ITFG1: variants seen among roughly 807,000 people sequenced by gnomAD.
The protein encoded by ITFG1 is integrin alpha FG-GAP repeat containing 1, also known as T-cell immunomodulatory protein.
A neutral mutation model predicts 81.8 loss-of-function variants in ITFG1; 34 were observed. The observed-to-expected ratio is 0.42, with a 90% CI of 0.32 to 0.55. ITFG1 has a LOEUF of 0.55. Among genes scored for constraint, ITFG1 ranks in the 20% least tolerant of loss-of-function variants. The pLI, the probability that ITFG1 is intolerant of heterozygous loss-of-function variation, is 0.17. For synonymous variants in ITFG1, 285 were observed against 270.6 expected, an observed-to-expected ratio of 1.05 and a Z score of -0.52; for missense variants, 672 against 755.4, an observed-to-expected ratio of 0.89 and a Z score of 1.29.
intron 10 of ITFG1, among the ~76,000 whole-genome samples, chr16:47,295,007 T>C (rs1033564868): frequency 1.3e-5 from 2 of 152,138 alleles, no homozygotes; most frequent in Middle Eastern, 3.2e-3. Flanking sequence ...TTGTTGTATA[T>C]GGATTTTATT....
intron 8 of ITFG1, among the ~76,000 whole-genome samples, chr16:47,362,303 AG>A (rs1201205955): frequency 6.6e-6 from 1 of 152,148 alleles, no homozygotes; most frequent in Non-Finnish European, 1.5e-5. Context: ...TCAAAATCTC[AG>A]GCACCTCAGA....
At chr16:47,409,106 A>G (rs1228637834) in intron 6 of ITFG1, among the ~76,000 whole-genome samples, 2 of 151,666 alleles carry the variant, frequency 1.3e-5, no homozygotes, top group African/African-American at 4.8e-5. Flanking sequence ...ATCCTTTCAA[A>G]GGGCTTGTGG....
At chr16:47,205,749 C>A (rs1018009962) in intron 14 of ITFG1, among the ~76,000 whole-genome samples, 1 of 152,110 alleles carries the variant, frequency 6.6e-6, no homozygotes, top group African/African-American at 2.4e-5. Flanking sequence ...CCACTCCGAT[C>A]GTATCATCAA....
chr16:47,268,865 A>G (rs1966306818), intron 10 of ITFG1, among the ~76,000 whole-genome samples: 1 of 152,278 alleles, frequency 6.6e-6, no homozygotes. Context: ...TTCAAAAATA[A>G]ATCAGTGTAA....
intron 14 of ITFG1, among the ~76,000 whole-genome samples, chr16:47,206,989 C>T (rs888353660): frequency 6.6e-6 from 1 of 152,248 alleles, no homozygotes; most frequent in Non-Finnish European, 1.5e-5. Flanking sequence ...TATTCGTTCA[C>T]TCAATTATTC....
At chr16:47,405,376 T>G (rs1968715520) in intron 6 of ITFG1, among the ~76,000 whole-genome samples, 1 of 152,192 alleles carries the variant, frequency 6.6e-6, no homozygotes, top group African/African-American at 2.4e-5. Flanking sequence ...AGTTTAAAAA[T>G]AGGTTTTAGG....
At chr16:47,159,956 AAAGAGT>A (rs936903804) in intron 16 of ITFG1, among the ~76,000 whole-genome samples, 102 of 152,092 alleles carry the variant, frequency 6.7e-4, no homozygotes, top group African/African-American at 2.4e-3. Flanking sequence ...ATTTCTTTGG[AAAGAGT>A]AAGAGAAACA....
intron 6 of ITFG1, among the ~76,000 whole-genome samples, chr16:47,407,929 C>T (rs1357089302): frequency 6.7e-6 from 1 of 149,840 alleles, no homozygotes; most frequent in Non-Finnish European, 1.5e-5. Context: ...ATGAGATCAC[C>T]AAGAGTGTGC....
intron 8 of ITFG1, among the ~76,000 whole-genome samples, chr16:47,337,137 C>CG (rs1967715934): frequency 2.5e-5 from 2 of 81,090 alleles, no homozygotes; most frequent in South Asian, 8.1e-4. Context: ...AACTCTGTCT[C>CG]AAAAAAAAAA....
chr16:47,242,781 A>G (rs922312122), intron 12 of ITFG1, among the ~76,000 whole-genome samples: 3 of 152,202 alleles, frequency 2.0e-5, no homozygotes, highest in Non-Finnish European at 4.4e-5. Context: ...AATACAATAT[A>G]AAGTTCAAAA....
chr16:47,460,176 A>G (rs182018776), intron 1 of ITFG1, among the ~76,000 whole-genome samples: 1 of 152,382 alleles, frequency 6.6e-6, no homozygotes, highest in African/African-American at 2.4e-5. Context: ...ACACGAAAGA[A>G]CAGGCAGCTC....
chr16:47,437,090 AAATATTC>A (rs1409528243), intron 5 of ITFG1, among the ~76,000 whole-genome samples: 5 of 152,182 alleles, frequency 3.3e-5, no homozygotes, highest in African/African-American at 1.2e-4. Context: ...ATTTTGATCA[AAATATTC>A]CTGGAAATGT....
At chr16:47,311,017 T>C (rs1967249973) in intron 10 of ITFG1, among the ~76,000 whole-genome samples, 1 of 152,064 alleles carries the variant, frequency 6.6e-6, no homozygotes, top group Non-Finnish European at 1.5e-5. Flanking sequence ...AGACTAAATG[T>C]TCATTTTTGT....
chr16:47,371,026 G>T (rs1968246859), intron 7 of ITFG1, among the ~76,000 whole-genome samples: 1 of 152,184 alleles, frequency 6.6e-6, no homozygotes, highest in East Asian at 1.9e-4. Context: ...TTACTGTGAT[G>T]TTCTTACCGA....
chr16:47,238,699 TATAAG>T (rs1181091353), intron 12 of ITFG1, among the ~76,000 whole-genome samples: 2 of 152,172 alleles, frequency 1.3e-5, no homozygotes, highest in Admixed American at 6.6e-5. Flanking sequence ...TGCTATATGT[TATAAG>T]ATAAAGAAAG....
At chr16:47,286,015 A>G (rs1264185591) in intron 10 of ITFG1, among the ~76,000 whole-genome samples, 2 of 152,160 alleles carry the variant, frequency 1.3e-5, no homozygotes, top group Non-Finnish European at 2.9e-5. Context: ...TCCACATGGC[A>G]GACTACAAAG....
At chr16:47,404,752 T>C (rs1167640470) in intron 6 of ITFG1, among the ~76,000 whole-genome samples, 1 of 152,204 alleles carries the variant, frequency 6.6e-6, no homozygotes, top group Non-Finnish European at 1.5e-5. Context: ...GACTCATCCA[T>C]GTTAATATGT....
intron 10 of ITFG1, among the ~76,000 whole-genome samples, chr16:47,277,564 A>G (rs1966410596): frequency 6.6e-6 from 1 of 152,228 alleles, no homozygotes; most frequent in Admixed American, 6.5e-5. Flanking sequence ...TCAGTGGTCA[A>G]CTGTATAAGA....
chr16:47,315,613 C>G (rs533225244), intron 8 of ITFG1, among the ~76,000 whole-genome samples: 45 of 152,014 alleles, frequency 3.0e-4, no homozygotes, highest in Non-Finnish European at 5.0e-4. Flanking sequence ...GGTATTTTTT[C>G]AAGTGCTCTA....
Sources: allele counts gnomAD v4.1 joint callset (sites outside exome capture counted in the v4.1 genomes callset), GRCh38; gene constraint gnomAD v4.1.1; transcripts MANE v1.5; gene names NCBI Gene and HGNC (gene_info 2026-07-23, HGNC 2026-07-21).